Variants in SDK1 observed in about 807,000 individuals in gnomAD.
SDK1 encodes sidekick cell adhesion molecule 1.
In SDK1, 157 loss-of-function variants were observed where a neutral mutation model predicts 245.5. The ratio of observed to expected loss-of-function variants is 0.64; its 90% CI spans 0.56 to 0.73. The LOEUF (loss-of-function observed/expected upper bound fraction) is 0.73. Ranked by LOEUF, SDK1 falls within the 30% of genes least tolerant of loss-of-function variation. The probability of loss-of-function intolerance (pLI) is 0.00; values close to 1 mark genes in which losing one functional copy is unlikely to be tolerated. For missense variants in SDK1, 3,583 were observed against 3,002.3 expected (o/e 1.19, Z -4.52); for synonymous variants, 1,647 against 1,278.5 (o/e 1.29, Z -6.15).
At chr7:4,196,930 A>T (rs1783614490) in intron 35 of SDK1, among the ~76,000 whole-genome samples, 1 of 152,262 alleles carries the variant, frequency 6.6e-6, no homozygotes, top group African/African-American at 2.4e-5. Flanking sequence ...TGCTAAGGCC[A>T]TAGCTAGGAA....
At chr7:3,915,019 T>C (rs1467131545) in intron 5 of SDK1, among the ~76,000 whole-genome samples, 1 of 152,240 alleles carries the variant, frequency 6.6e-6, no homozygotes, top group Non-Finnish European at 1.5e-5. Flanking sequence ...GTCAACTTTG[T>C]AAGGCACATT....
intron 14 of SDK1, among the ~76,000 whole-genome samples, chr7:4,009,260 G>A (rs1292952245): frequency 6.6e-6 from 1 of 152,230 alleles, no homozygotes; most frequent in Non-Finnish European, 1.5e-5. Context: ...TTCAGAATGA[G>A]AACGGTATTT....
intron 1 of SDK1, among the ~76,000 whole-genome samples, chr7:3,407,334 C>T (rs555312933): frequency 6.6e-6 from 1 of 152,310 alleles, no homozygotes; most frequent in African/African-American, 2.4e-5. Flanking sequence ...AGAGCTTTCA[C>T]AAGGTCTCTT....
At chr7:4,201,918 G>A (rs1230222587) in intron 35 of SDK1, among the ~76,000 whole-genome samples, 2 of 152,234 alleles carry the variant, frequency 1.3e-5, no homozygotes, top group Non-Finnish European at 2.9e-5. Context: ...GCACAGAGTG[G>A]CTCTAGCAGT....
Position 3,753,280 on chromosome 7 carries a change from C to T in SDK1, c.714-68170C>T, listed in dbSNP as rs184180765. Among the ~76,000 whole-genome samples the T allele has an allele frequency of 3.5e-3, 529 of 152,310 alleles. 4 individuals are homozygous for T. Among genetic ancestry groups the T allele is most frequent in the South Asian group, 0.016 (78 of 4,828 alleles). ...CCTTATTTTTGAATTTCCCTGGAAT[C>T]TATTGCTATTAAAGCCATTAATTCC... On this transcript the variant is annotated intron_variant, in intron 4 of 44. Transcript: ENST00000404826.
chr7:3,906,765 C>G (rs572467824), intron 5 of SDK1, among the ~76,000 whole-genome samples: 1 of 151,668 alleles, frequency 6.6e-6, no homozygotes, highest in African/African-American at 2.4e-5. Context: ...GTAGCTGGGA[C>G]TACAGGTGCA....
At chr7:3,647,714 G>A (rs1782893659) in intron 4 of SDK1, among the ~76,000 whole-genome samples, 3 of 152,108 alleles carry the variant, frequency 2.0e-5, no homozygotes, top group South Asian at 2.1e-4. Context: ...ACAGACCACC[G>A]TGCCCGGCCA....
intron 1 of SDK1, among the ~76,000 whole-genome samples, chr7:3,422,094 G>A (rs1779550583): frequency 6.6e-6 from 1 of 152,054 alleles, no homozygotes; most frequent in South Asian, 2.1e-4. Context: ...GCAAAAATGA[G>A]ATGTATCTAT....
chr7:4,227,290 A>G (rs1217093192), intron 40 of SDK1: 1 of 453,280 alleles, frequency 2.2e-6, no homozygotes, highest in African/African-American at 2.0e-5. Flanking sequence ...TGTCTTTCTC[A>G]TAAGCGTGTT....
At chr7:4,194,742 T>G (rs747830708) in intron 35 of SDK1, among the ~76,000 whole-genome samples, 1 of 152,154 alleles carries the variant, frequency 6.6e-6, no homozygotes, top group Non-Finnish European at 1.5e-5. Flanking sequence ...GCACACCACA[T>G]TAAGGGTGGG....
intron 5 of SDK1, among the ~76,000 whole-genome samples, chr7:3,902,489 T>G (rs1006032439): frequency 1.3e-5 from 2 of 152,238 alleles, no homozygotes; most frequent in Non-Finnish European, 2.9e-5. Flanking sequence ...GATGTCTCAT[T>G]AAGGGTTACA....
In SDK1 at chr7:3,321,628, GT is replaced by G. The variant is rs1185022828; in HGVS notation, c.298+19753del. 3.3e-5 allele frequency among the ~76,000 whole-genome samples: 5 copies of G among 151,398 alleles called. No individual in the cohort carries two copies. The East Asian group carries it at 5.8e-4, about 18-fold the overall frequency. On this transcript the variant is annotated intron_variant, in intron 1 of 44. Transcript: ENST00000404826. ...AGAAACATTCTTCATGTTTTCGCAA[GT>G]TTTTTTTTAAACCTAATATTTAATG... is the stretch of plus-strand genomic sequence containing the variant.
chr7:3,589,043 A>G (rs1409917496), intron 1 of SDK1, among the ~76,000 whole-genome samples: 1 of 152,246 alleles, frequency 6.6e-6, no homozygotes, highest in Non-Finnish European at 1.5e-5. Context: ...GATCAATATT[A>G]GCTAACAGCT....
chr7:3,582,166 C>G (rs1406788151), intron 1 of SDK1, among the ~76,000 whole-genome samples: 1 of 150,922 alleles, frequency 6.6e-6, no homozygotes, highest in South Asian at 2.1e-4. Flanking sequence ...TCAGGTAGGT[C>G]TCCCTCAGGT....
intron 20 of SDK1, among the ~76,000 whole-genome samples, chr7:4,071,809 C>G (rs182778523): frequency 6.6e-6 from 1 of 152,318 alleles, no homozygotes; most frequent in East Asian, 1.9e-4. Context: ...AGAAAGAATT[C>G]TGGCCTACCG....
chr7:3,914,703 G>T (rs1779305210), intron 5 of SDK1, among the ~76,000 whole-genome samples: 1 of 152,150 alleles, frequency 6.6e-6, no homozygotes, highest in African/African-American at 2.4e-5. Context: ...CGGTGACATG[G>T]GCTGGGAGGT....
At chr7:3,920,631 G>A (rs748385761) in intron 5 of SDK1, among the ~76,000 whole-genome samples, 1 of 152,150 alleles carries the variant, frequency 6.6e-6, no homozygotes, top group Non-Finnish European at 1.5e-5. Context: ...GGAACTATCC[G>A]GAGGCAAGGC....
chr7:3,618,718 G>T (rs1781844853), intron 1 of SDK1, among the ~76,000 whole-genome samples: 1 of 152,182 alleles, frequency 6.6e-6, no homozygotes, highest in South Asian at 2.1e-4. Flanking sequence ...TTTATAGCCT[G>T]CATACACTTG....
Position 3,762,764 on chromosome 7 carries a change from C to A in SDK1, c.714-58686C>A, listed in dbSNP as rs145704884. On this transcript the variant is annotated intron_variant, in intron 4 of 44. Coordinates refer to ENST00000404826, the MANE Select transcript of SDK1 (RefSeq NM_152744.4). ...AAGACCATGAAGTGTGAAGAGACCA[C>A]TGACTTTTACTAATAGTTTTTAAAA... is the stretch of plus-strand genomic sequence containing the variant. 6.9e-3 allele frequency among the ~76,000 whole-genome samples: 1,047 copies of A among 152,310 alleles called. 8 individuals carry two copies. Among genetic ancestry groups the A allele is most frequent in the Non-Finnish European group, 8.8e-3 (599 of 68,030 alleles).
Sources: allele counts gnomAD v4.1 joint callset (sites outside exome capture counted in the v4.1 genomes callset), GRCh38; gene constraint gnomAD v4.1.1; transcripts MANE v1.5; gene names NCBI Gene and HGNC (gene_info 2026-07-23, HGNC 2026-07-21).